Variants in RAD51D observed in about 807,000 individuals in gnomAD.
RAD51D encodes DNA repair protein RAD51 homolog 4.
In RAD51D, 38 loss-of-function variants were observed where a neutral mutation model predicts 44.1. The ratio of observed to expected loss-of-function variants is 0.86; its 90% confidence interval spans 0.67 to 1.13. The LOEUF (loss-of-function observed/expected upper bound fraction) is 1.13, where lower values mean the gene tolerates loss of function less well. Among genes scored for constraint, RAD51D ranks in the 50% most tolerant of loss-of-function variants. The pLI is 0.00. For missense variants in RAD51D, 390 were observed against 414.0 expected (o/e 0.94, Z 0.50); for synonymous variants, 141 against 166.6 (o/e 0.85, Z 1.18).
rs9891230 is a variant in RAD51D at position 35,099,638 on chromosome 17, G to T, written c.*1315C>A. Reference sequence around the variant, plus strand: ...AATCCTCCATGATTCTATCCCTGTTGCATTCATCACCTCTAAATGTCATTA... The same window carrying T: ...AATCCTCCATGATTCTATCCCTGTTTCATTCATCACCTCTAAATGTCATTA... On this transcript the variant is annotated 3_prime_UTR_variant, in exon 10 of 10. Transcript: ENST00000345365. 8.6e-4 allele frequency: 319 copies of T among 371,906 alleles called. 1 individual carries two copies. The highest frequency in any genetic ancestry group is 6.4e-3 in the African/African-American group (303 of 47,340). The allele number at this position is 371,906 out of a possible 1,614,324, so 23.0% of individuals were successfully genotyped here. A position where few individuals can be genotyped will look rare whatever the true frequency, so the allele number is the denominator to read the frequency against.
At chr17:35,106,917 C>G (rs2142431276) in intron 5 of RAD51D, 71 bp downstream of exon 5, 2 of 1,611,432 alleles carry the variant, frequency 1.2e-6, no homozygotes, top group Non-Finnish European at 1.7e-6. Context: ...AACCCAAATT[C>G]TTACAATGTT....
rs756616712 is a variant in RAD51D at position 35,101,002 on chromosome 17, G to C, written c.938C>G (p.Thr313Ser). Residue 313 changes from threonine (T) to serine (S), a missense_variant, in exon 10 of 10, where the codon ACC (threonine) becomes AGC (serine). Thr to Ser is a moderately conservative substitution (Grantham distance 58). Transcript: ENST00000345365. ...TGFQEMVDIG[T>S]WGTSEQSATL... The stretch of plus-strand genomic sequence containing the variant: ...GGCACTCTGCTCTGAGGTCCCCCAG[G>C]TCCCAATGTCTACCATCTCCTGGAA... The C allele has an allele frequency of 6.2e-7, 1 of 1,613,898 alleles. No homozygotes were observed. The highest frequency in any genetic ancestry group is 1.3e-5 in the African/African-American group (1 of 75,036).
At chr17:35,113,655 G>GT (rs2091703539) in intron 3 of RAD51D, 3 of 335,132 alleles carry the variant, frequency 9.0e-6, no homozygotes, top group Non-Finnish European at 1.2e-5. Flanking sequence ...CTCTAGCCCT[G>GT]TGGCTTCTTG....
At chr17:35,110,411 C>T (rs563162047) in intron 3 of RAD51D, among the ~76,000 whole-genome samples, 4 of 152,182 alleles carry the variant, frequency 2.6e-5, no homozygotes, top group African/African-American at 9.6e-5. Flanking sequence ...CTGTTTTGCA[C>T]AGCAAAAGTT....
At chr17:35,101,980 T>C (rs532732669) in intron 8 of RAD51D, among the ~76,000 whole-genome samples, 1 of 152,284 alleles carries the variant, frequency 6.6e-6, no homozygotes, top group African/African-American at 2.4e-5. Context: ...GTGGTGATGG[T>C]TGTACAGCGT....
rs1359262573 is a variant in RAD51D at position 35,107,284 on chromosome 17, G to A, written c.345+82C>T. ...TGTTGGGCTCTGAACCCATTAGTAC[G>A]CTGAAGCTCCCCCAGGGACCCTGGG... On this transcript the variant is annotated intron_variant, in intron 4 of 9. Coordinates refer to ENST00000345365, the MANE Select transcript of RAD51D (RefSeq NM_002878.4). The A allele has an allele frequency of 6.4e-5, 94 of 1,457,678 alleles. 1 individual carries two copies. In the South Asian group the frequency reaches 8.7e-4, roughly 13 times the overall value. The allele number at this position is 1,457,678 out of a possible 1,614,324, so 90.3% of individuals were successfully genotyped here.
chr17:35,105,868 G>A (rs1367985457), intron 6 of RAD51D, among the ~76,000 whole-genome samples: 1 of 152,098 alleles, frequency 6.6e-6, no homozygotes, highest in South Asian at 2.1e-4. Flanking sequence ...TGATAAAAGG[G>A]AGGAGGTACA....
At chr17:35,115,924 G>GAAGAA (rs908824129) in intron 3 of RAD51D, among the ~76,000 whole-genome samples, 1 of 97,474 alleles carries the variant, frequency 1.0e-5, no homozygotes, top group East Asian at 2.9e-4. Context: ...AGGAAGGAAG[G>GAAGAA]AAGGAAGGAA....
rs372105981 is a variant in RAD51D at position 35,111,390 on chromosome 17, T to TA, written c.264-3944dup. Among the ~76,000 whole-genome samples the TA allele has an allele frequency of 4.7e-3, 659 of 140,306 alleles. 6 individuals carry two copies. The highest frequency in any genetic ancestry group is 0.014 in the African/African-American group (519 of 38,226). The allele number at this position is 140,306 out of a possible 152,430, so 92.0% of individuals were successfully genotyped here. A position where few individuals can be genotyped will look rare whatever the true frequency, so the allele number is the denominator to read the frequency against. ...AAAAGAGAGAGAGAGAAACTCCGTCTAAAAAAAAAAAAATACAAATACAAA... is the reference window on the plus strand; with the variant it reads ...AAAAGAGAGAGAGAGAAACTCCGTCTAAAAAAAAAAAAAATACAAATACAAA... On this transcript the variant is annotated intron_variant, in intron 3 of 9. Transcript: ENST00000345365.
rs150253569 is a variant in RAD51D, at chr17:35,114,654, T to C, written c.263+3847A>G. On this transcript the variant is annotated intron_variant, in intron 3 of 9. Transcript: ENST00000345365. ...GCAGTGAACTATGATTGTGCACCAC[T>C]GCACTCCTGCCTGGGCAACAGAGCA... is the stretch of plus-strand genomic sequence containing the variant. 4.0e-3 allele frequency among the ~76,000 whole-genome samples: 602 copies of C among 152,274 alleles called. 8 individuals are homozygous for C. Among genetic ancestry groups the C allele is most frequent in the African/African-American group, 0.014 (573 of 41,552 alleles).
At chr17:35,119,436 G>A (rs2091795054) in intron 1 of RAD51D, 96 bp downstream of exon 1, 6 of 1,389,886 alleles carry the variant, frequency 4.3e-6, no homozygotes, top group Non-Finnish European at 6.1e-6. Context: ...GAGGGGAAGC[G>A]CCCTGCAGGT....
chr17:35,106,091 C>G, intron 6 of RAD51D: 2 of 555,418 alleles, frequency 3.6e-6, no homozygotes, highest in Non-Finnish European at 7.0e-6. Flanking sequence ...TGTCAGACAA[C>G]CTCTATTACT....
rs1027145488 is a variant in RAD51D, at chr17:35,097,600, G to A, written c.*3353C>T. The A allele has an allele frequency of 1.8e-4, 27 of 149,478 alleles. No individual in the cohort carries two copies. The highest frequency in any genetic ancestry group is 6.1e-4 in the African/African-American group (24 of 39,184). The allele number at this position is 149,478 out of a possible 1,614,324, so 9.3% of individuals were successfully genotyped here. ...TGCCCTCAGGTCTCAAACCACCCCC[G>A]CAGGGGAAATTGAAAGTTGACGCTT... is the stretch of plus-strand genomic sequence containing the variant. On this transcript the variant is annotated 3_prime_UTR_variant, in exon 10 of 10. Coordinates refer to ENST00000345365, the MANE Select transcript of RAD51D (RefSeq NM_002878.4).
intron 3 of RAD51D, among the ~76,000 whole-genome samples, chr17:35,114,568 T>C (rs2091715626): frequency 6.6e-6 from 1 of 152,100 alleles, no homozygotes; most frequent in Non-Finnish European, 1.5e-5. Context: ...TGAGCACCTG[T>C]AGTCCCAGCT....
chr17:35,118,329 C>A (rs774973970), intron 3 of RAD51D, among the ~76,000 whole-genome samples, 172 bp downstream of exon 3: 17 of 152,120 alleles, frequency 1.1e-4, no homozygotes, highest in Non-Finnish European at 2.2e-4. Flanking sequence ...GGCTGAGATA[C>A]CCCATAACCC....
rs538303847 is a variant in RAD51D at position 35,119,402 on chromosome 17, C to T, written c.82+130G>A. ...CACGCCCACCCTTCCTGAGCCTCTC[C>T]AGAAGCGCGGCCCTCTAGGAATGGA... On this transcript the variant is annotated intron_variant, in intron 1 of 9. Transcript: ENST00000345365. 8.6e-6 allele frequency: 10 copies of T among 1,157,220 alleles called. No homozygotes were observed. The East Asian group carries it at 1.4e-4, about 16-fold the overall frequency. 71.7% of individuals were successfully genotyped at this position (1,157,220 alleles called of 1,614,324 possible). A position where few individuals can be genotyped will look rare whatever the true frequency, so the allele number is the denominator to read the frequency against.
intron 6 of RAD51D, among the ~76,000 whole-genome samples, chr17:35,104,103 A>C (rs2091571872): frequency 6.6e-6 from 1 of 152,080 alleles, no homozygotes; most frequent in Non-Finnish European, 1.5e-5. Flanking sequence ...AAATAACTAA[A>C]AACTACATTA....
intron 3 of RAD51D, among the ~76,000 whole-genome samples, chr17:35,114,755 T>C (rs1242414310): frequency 6.6e-6 from 1 of 152,168 alleles, no homozygotes; most frequent in Non-Finnish European, 1.5e-5. Context: ...TGAATGAGAT[T>C]AATTGGTCTG....
At chr17:35,112,421 A>G (rs1253673008) in intron 3 of RAD51D, among the ~76,000 whole-genome samples, 1 of 151,988 alleles carries the variant, frequency 6.6e-6, no homozygotes, top group African/African-American at 2.4e-5. Context: ...TCTGTCACCC[A>G]GGTTGAAGTG....
Sources: allele counts gnomAD v4.1 joint callset (sites outside exome capture counted in the v4.1 genomes callset), GRCh38; gene constraint gnomAD v4.1.1; transcripts MANE v1.5; gene names NCBI Gene and HGNC (gene_info 2026-07-23, HGNC 2026-07-21).